Variants in DIAPH3 observed in about 807,000 individuals in gnomAD.
DIAPH3 encodes the protein diaphanous related formin 3, also known as protein diaphanous homolog 3.
Under a neutral mutation model 144.3 loss-of-function variants are expected in DIAPH3, and 117 were observed. That is an observed-to-expected ratio of 0.81 (90% CI 0.70 to 0.95). DIAPH3 has a LOEUF of 0.95. Among genes scored for constraint, DIAPH3 ranks in the 40% least tolerant of loss-of-function variants. DIAPH3 has a pLI of 0.00. For synonymous variants in DIAPH3, 519 were observed against 488.9 expected (o/e 1.06, Z -0.81); for missense variants, 1,421 against 1,412.7 (o/e 1.01, Z -0.09).
intron 25 of DIAPH3, among the ~76,000 whole-genome samples, chr13:59,800,144 C>A (rs1019431928): frequency 1.3e-5 from 2 of 152,136 alleles, no homozygotes; most frequent in Non-Finnish European, 2.9e-5. Flanking sequence ...ACACATGCAT[C>A]CTCCCCCATA....
intron 24 of DIAPH3, chr13:59,832,902 G>A (rs1476621549): frequency 1.2e-5 from 6 of 521,012 alleles, no homozygotes; most frequent in Admixed American, 3.0e-5. Flanking sequence ...CAATCAAAAT[G>A]TCTGATTACA....
chr13:59,874,566 C>T (rs2044488445), intron 21 of DIAPH3, among the ~76,000 whole-genome samples: 1 of 152,078 alleles, frequency 6.6e-6, no homozygotes, highest in African/African-American at 2.4e-5. Flanking sequence ...GCCCATAGCC[C>T]CATTACCATG....
At position 59,774,253 on chromosome 13, in the gene DIAPH3, T is replaced by TA. The variant is rs535758021; in HGVS notation, c.3260-6dup. Reference sequence around the variant, plus strand: ...GACTGAGACTCTGCCGAACATCTGTTAAAAAAAAAAATAAAATAAACTTAA... The same window carrying TA: ...GACTGAGACTCTGCCGAACATCTGTTAAAAAAAAAAAATAAAATAAACTTAA... On this transcript the variant is annotated splice_region_variant and splice_polypyrimidine_tract_variant and intron_variant, in intron 26 of 27. Coordinates refer to ENST00000400324, the MANE Select transcript of DIAPH3 (RefSeq NM_001042517.2). The TA allele has an allele frequency of 8.2e-3, 10,331 of 1,265,636 alleles. 1 individual carries two copies. The highest frequency in any genetic ancestry group is 9.3e-3 in the Non-Finnish European group (8,574 of 923,164). 78.4% of individuals were successfully genotyped at this position (1,265,636 alleles called of 1,614,324 possible). A position where few individuals can be genotyped will look rare whatever the true frequency, so the allele number is the denominator to read the frequency against.
At chr13:59,876,003 T>C (rs1331784478) in intron 21 of DIAPH3, among the ~76,000 whole-genome samples, 1 of 152,178 alleles carries the variant, frequency 6.6e-6, no homozygotes, top group Non-Finnish European at 1.5e-5. Context: ...TTCATGAATT[T>C]TTCATACTTG....
chr13:60,015,824 T>G, intron 7 of DIAPH3, 89 bp downstream of exon 7: 4 of 1,156,834 alleles, frequency 3.5e-6, no homozygotes, highest in Middle Eastern at 2.8e-4. Context: ...AAAAAACACA[T>G]CAGAACAATT....
intron 25 of DIAPH3, among the ~76,000 whole-genome samples, chr13:59,802,667 A>ATTATTATTATTT (rs1433627853): frequency 1.3e-4 from 3 of 23,764 alleles, no homozygotes; most frequent in African/African-American, 3.0e-4. Flanking sequence ...TATTATTATT[A>ATTATTATTATTT]TTTTTTTTTT....
chr13:59,939,838 G>A (rs1489480229), intron 17 of DIAPH3, among the ~76,000 whole-genome samples: 1 of 28,690 alleles, frequency 3.5e-5, no homozygotes, highest in African/African-American at 1.8e-4. Flanking sequence ...AATGAGGCGT[G>A]TGTGTGTGTG....
chr13:59,917,687 G>T lies in DIAPH3; in HGVS notation c.2171-1438C>A, dbSNP rs117096207. Among the ~76,000 whole-genome samples the T allele has an allele frequency of 2.3e-3, 350 of 151,866 alleles. 10 individuals are homozygous for T. In the East Asian group the frequency reaches 0.065, roughly 28 times the overall value. ...AGGCGGATCACGAGGTCAGCAGATC[G>T]AGATCATCTTAACTAACATGGGGAA... On this transcript the variant is annotated intron_variant, in intron 18 of 27. Transcript: ENST00000400324.
intron 20 of DIAPH3, among the ~76,000 whole-genome samples, chr13:59,897,805 A>T (rs1481314762): frequency 6.6e-6 from 1 of 151,668 alleles, no homozygotes; most frequent in Non-Finnish European, 1.5e-5. Flanking sequence ...ACTGGATCAC[A>T]ATAGATGAGA....
chr13:60,071,416 C>G (rs1328259704), intron 4 of DIAPH3, among the ~76,000 whole-genome samples: 2 of 152,150 alleles, frequency 1.3e-5, no homozygotes, highest in Non-Finnish European at 2.9e-5. Flanking sequence ...CATATTTATC[C>G]TTCAGATATA....
At chr13:59,702,376 G>A (rs1174950128) in intron 27 of DIAPH3, among the ~76,000 whole-genome samples, 1 of 152,156 alleles carries the variant, frequency 6.6e-6, no homozygotes, top group African/African-American at 2.4e-5. Context: ...AACAAAATGT[G>A]AGAAATCTGA....
At chr13:59,948,713 G>A (rs979962248) in intron 17 of DIAPH3, among the ~76,000 whole-genome samples, 1 of 152,024 alleles carries the variant, frequency 6.6e-6, no homozygotes, top group African/African-American at 2.4e-5. Context: ...CTCCCACCTT[G>A]GCCTCCCAAA....
intron 9 of DIAPH3, among the ~76,000 whole-genome samples, chr13:59,994,930 T>C (rs1566629845): frequency 6.6e-6 from 1 of 151,770 alleles, no homozygotes; most frequent in African/African-American, 2.4e-5. Flanking sequence ...ACAGAGGCAA[T>C]AGATTCAAGT....
chr13:60,120,898 G>A (rs1056140145), intron 2 of DIAPH3, among the ~76,000 whole-genome samples: 3 of 152,132 alleles, frequency 2.0e-5, no homozygotes, highest in African/African-American at 7.2e-5. Context: ...AATATCAAGT[G>A]TTTATTATTG....
At chr13:60,100,665 G>T (rs893862836) in intron 3 of DIAPH3, among the ~76,000 whole-genome samples, 2 of 151,618 alleles carry the variant, frequency 1.3e-5, no homozygotes, top group Non-Finnish European at 2.9e-5. Flanking sequence ...TCTTCTATAA[G>T]TCTAAAATTA....
At chr13:59,737,921 CT>C (rs1683263263) in intron 27 of DIAPH3, among the ~76,000 whole-genome samples, 1 of 152,106 alleles carries the variant, frequency 6.6e-6, no homozygotes, top group Admixed American at 6.5e-5. Context: ...AATCCCAGCA[CT>C]TTGGGAGGCC....
intron 4 of DIAPH3, among the ~76,000 whole-genome samples, chr13:60,052,212 CAT>C (rs1182878030): frequency 6.6e-6 from 1 of 151,962 alleles, no homozygotes; most frequent in Non-Finnish European, 1.5e-5. Flanking sequence ...GAACATGAAA[CAT>C]GTAAAGTCAA....
intron 27 of DIAPH3, among the ~76,000 whole-genome samples, chr13:59,742,680 G>C (rs967418952): frequency 6.6e-6 from 1 of 150,672 alleles, no homozygotes; most frequent in African/African-American, 2.4e-5. Flanking sequence ...AAGGAAGAAA[G>C]GAAGGAAGAA....
Position 59,983,806 on chromosome 13 carries a change from A to G in DIAPH3, c.1443T>C (p.Tyr481=), listed in dbSNP as rs750495700. Residue 481 remains tyrosine, a synonymous_variant, in exon 13 of 28, where the codon TAT becomes TAC. Coordinates refer to ENST00000400324, the MANE Select transcript of DIAPH3 (RefSeq NM_001042517.2). ...TTAAATCTAAATCTAGTCTTTTTCG[A>G]TATGTGAAGTCTGGATCCATTCCAT... is the stretch of plus-strand genomic sequence containing the variant. The part of the protein sequence containing the change: ...HRDGMDPDFT[Y]RKRLDLDLTQ... 11 of 1,609,098 alleles carry G rather than the reference A, an allele frequency of 6.8e-6. No homozygotes were observed. In the East Asian group the frequency reaches 1.8e-4, roughly 26 times the overall value.
Sources: gnomAD v4.1 joint callset for allele counts (sites outside exome capture counted in the v4.1 genomes callset) on GRCh38, gnomAD v4.1.1 for gene constraint, MANE v1.5 for transcripts, NCBI Gene and HGNC (gene_info 2026-07-23, HGNC 2026-07-21) for gene names.